The following ZNF384 variants were observed in gnomAD, a reference collection of about 807,000 sequenced individuals.
The protein encoded by ZNF384 is CAG repeat protein 1.
Under a neutral mutation model 65.0 loss-of-function variants are expected in ZNF384, and 20 were observed. That is an observed-to-expected ratio of 0.31 (90% CI 0.22 to 0.45). The LOEUF (loss-of-function observed/expected upper bound fraction) is 0.45, where lower values mean the gene tolerates loss of function less well. Ranked by LOEUF, ZNF384 falls within the 20% of genes least tolerant of loss-of-function variation. The pLI, the probability that ZNF384 is intolerant of heterozygous loss-of-function variation, is 1.00. For missense variants in ZNF384, 549 were observed against 769.4 expected (o/e 0.71, Z 3.39); for synonymous variants, 310 against 303.9 (o/e 1.02, Z -0.21).
At chr12:6,684,861 T>G (rs1360709874) in intron 2 of ZNF384, among the ~76,000 whole-genome samples, 1 of 152,150 alleles carries the variant, frequency 6.6e-6, no homozygotes, top group Non-Finnish European at 1.5e-5. Flanking sequence ...TAACAGGGCG[T>G]TCTGGGGCCA....
At position 6,678,467 on chromosome 12, in the gene ZNF384, T is replaced by C. The variant is rs1178382786; in HGVS notation, c.353-7A>G. On this transcript the variant is annotated splice_region_variant and splice_polypyrimidine_tract_variant and intron_variant, in intron 5 of 11. Coordinates refer to ENST00000683879, the MANE Select transcript of ZNF384 (RefSeq NM_001385745.1). This position sits in a 1 kb window ranked among gnomAD's most constrained non-coding sequence, Gnocchi z 4.9. The stretch of plus-strand genomic sequence containing the variant: ...GTGATTACCAAACCCGGACCTAGGA[T>C]TGGGAGAAAAAGGAGATGGCGTCAT... 38 of 1,573,334 alleles carry C rather than the reference T, an allele frequency of 2.4e-5. No individual in the cohort carries two copies. Among genetic ancestry groups the C allele is most frequent in the Non-Finnish European group, 3.3e-5 (38 of 1,158,280 alleles).
At position 6,666,811 on chromosome 12, in the gene ZNF384, A is replaced by G. The variant is rs569723863; in HGVS notation, c.*903T>C. On this transcript the variant is annotated 3_prime_UTR_variant, in exon 12 of 12. Coordinates refer to ENST00000683879, the MANE Select transcript of ZNF384 (RefSeq NM_001385745.1). ...TGGCCGTGATGAGTGAGTATAATAT[A>G]TTTATATATATATATTTATATATAA... The G allele has an allele frequency of 5.9e-6, 1 of 169,300 alleles. No individual in the cohort carries two copies. The highest frequency in any genetic ancestry group is 6.5e-5 in the Admixed American group (1 of 15,448). 10.5% of individuals were successfully genotyped at this position (169,300 alleles called of 1,614,324 possible).
chr12:6,667,162 A>C lies in ZNF384; in HGVS notation c.*552T>G. The C allele has an allele frequency of 3.8e-6, 1 of 261,654 alleles. No homozygotes were observed. Among genetic ancestry groups the C allele is most frequent in the South Asian group, 1.0e-4 (1 of 9,904 alleles). 16.2% of individuals were successfully genotyped at this position (261,654 alleles called of 1,614,324 possible). A position where few individuals can be genotyped will look rare whatever the true frequency, so the allele number is the denominator to read the frequency against. On this transcript the variant is annotated 3_prime_UTR_variant, in exon 12 of 12. Transcript: ENST00000683879. ...AAAAGGAGGTCTAGCCCCTACCCCA[A>C]ATCTCCTTCTACCAGCAGTCAATAG...
Position 6,686,271 on chromosome 12 carries a change from T to C in ZNF384, c.-6+1896A>G, listed in dbSNP as rs2137423775. Among the ~76,000 whole-genome samples, 4 of 152,340 alleles carry C rather than the reference T, an allele frequency of 2.6e-5. No individual in the cohort carries two copies. In the South Asian group the frequency reaches 8.3e-4, roughly 32 times the overall value. Reference sequence around the variant, plus strand: ...TCAAGACTTCTGAATTCTTTTTTTATGAGACAGAGTCTCATTTTGTTGCCC... The same window carrying C: ...TCAAGACTTCTGAATTCTTTTTTTACGAGACAGAGTCTCATTTTGTTGCCC... On this transcript the variant is annotated intron_variant, in intron 2 of 11. Transcript: ENST00000683879.
At position 6,666,478 on chromosome 12, in the gene ZNF384, C is replaced by A. The variant is rs1949799386; in HGVS notation, c.*1236G>T. On this transcript the variant is annotated 3_prime_UTR_variant, in exon 12 of 12. Coordinates refer to ENST00000683879, the MANE Select transcript of ZNF384 (RefSeq NM_001385745.1). ...CATCAGTAGCTCCACTGCCTCTGAT[C>A]CTTTTACATGAATTTATTTCTATAC... 1 of 158,580 alleles carries A rather than the reference C, an allele frequency of 6.3e-6. No individual in the cohort carries two copies. Among genetic ancestry groups the A allele is most frequent in the Admixed American group, 6.5e-5 (1 of 15,412 alleles). 9.8% of individuals were successfully genotyped at this position (158,580 alleles called of 1,614,324 possible).
chr12:6,687,008 G>C (rs912177906), intron 2 of ZNF384, among the ~76,000 whole-genome samples: 1 of 152,184 alleles, frequency 6.6e-6, no homozygotes, highest in African/African-American at 2.4e-5. Flanking sequence ...ACTGCAGAAA[G>C]GTTACCTTAG....
In ZNF384 at chr12:6,669,001, G is replaced by A. The variant is rs995482229; in HGVS notation, c.1425+30C>T. On this transcript the variant is annotated intron_variant, in intron 11 of 11. Transcript: ENST00000683879. ...GTGGACTGTACTCTTAGAGGACTAT[G>A]AGGAAGGAGAGAAGAAACGGAGCAC... 13 of 1,580,422 alleles carry A rather than the reference G, an allele frequency of 8.2e-6. No individual in the cohort carries two copies. In the African/African-American group the frequency reaches 9.4e-5, roughly 11 times the overall value.
Position 6,679,503 on chromosome 12 carries a change from G to A in ZNF384, c.18C>T (p.Phe6=). The change falls in exon 3 of 12, where the codon TTC becomes TTT. Residue 6 remains phenylalanine, a synonymous_variant. Transcript: ENST00000683879. ...AAGGCCAGAAGTACGGGTTAGAATT[G>A]AAGTGAGATTCTTCCATTCTACCTG... MEESH[F]NSNPYFWPSI... 6.2e-7 allele frequency: 1 copy of A among 1,613,916 alleles called. No homozygotes were observed. The highest frequency in any genetic ancestry group is 1.6e-4 in the Middle Eastern group (1 of 6,062).
chr12:6,679,588 A>T, intron 2 of ZNF384, 63 bp from the exon 3 acceptor site: 2 of 1,374,854 alleles, frequency 1.5e-6, no homozygotes, highest in Non-Finnish European at 1.0e-6. Context: ...TAAGCAATGG[A>T]GAAGGGGAAC....
Position 6,685,701 on chromosome 12 carries a change from G to A in ZNF384, c.-6+2466C>T, listed in dbSNP as rs190891624. Among the ~76,000 whole-genome samples, 140 of 151,330 alleles carry A rather than the reference G, an allele frequency of 9.3e-4. 1 individual carries two copies. The highest frequency in any genetic ancestry group is 1.7e-3 in the Non-Finnish European group (118 of 67,876). On this transcript the variant is annotated intron_variant, in intron 2 of 11. Transcript: ENST00000683879. ...GACAGGGAATTGCCTGAACCTGGGAGGTGGAGTGGAGGTTGCAGTGAAAGG... is the reference window on the plus strand; with the variant it reads ...GACAGGGAATTGCCTGAACCTGGGAAGTGGAGTGGAGGTTGCAGTGAAAGG...
intron 10 of ZNF384, among the ~76,000 whole-genome samples, chr12:6,669,415 CCAGTCCAGTGGTTCTTAAAA>C (rs1430480155): frequency 1.3e-5 from 2 of 152,142 alleles, no homozygotes; most frequent in Non-Finnish European, 2.9e-5. Context: ...GCCCGTCTCA[CCAGTCCAGTGGTTCTTAAAA>C]TGAGGCATGG....
At chr12:6,676,821 G>A (rs888193711) in intron 7 of ZNF384, among the ~76,000 whole-genome samples, 1 of 152,042 alleles carries the variant, frequency 6.6e-6, no homozygotes, top group Non-Finnish European at 1.5e-5. Flanking sequence ...CATTTTCCAG[G>A]AACACTTTTA....
intron 2 of ZNF384, among the ~76,000 whole-genome samples, chr12:6,680,790 A>T (rs1441130078): frequency 6.6e-6 from 1 of 152,204 alleles, no homozygotes; most frequent in Non-Finnish European, 1.5e-5. Context: ...AGCAGTGAGA[A>T]TCAAAGCACT....
intron 10 of ZNF384, among the ~76,000 whole-genome samples, chr12:6,670,255 C>T (rs1053639654): frequency 1.3e-5 from 2 of 151,946 alleles, no homozygotes; most frequent in Non-Finnish European, 2.9e-5. Context: ...ATAGCAAGAC[C>T]CCATCTCTAC....
In ZNF384 at chr12:6,667,992, C is replaced by A; in HGVS notation, c.1549G>T (p.Ala517Ser). The change falls in exon 12 of 12, where the codon GCT becomes TCT. Residue 517 changes from alanine (A) to serine (S), a missense_variant. Coordinates refer to ENST00000683879, the MANE Select transcript of ZNF384 (RefSeq NM_001385745.1). Reference sequence around the variant, plus strand: ...GCCTGGGCCTGGGCTTGAGCCTGAGCCTGAGCCTGGGCTTGAGCTTGAGCC... The same window carrying A: ...GCCTGGGCCTGGGCTTGAGCCTGAGACTGAGCCTGGGCTTGAGCTTGAGCC... ...AQAQAQAQAQ[A>S]QAQAQAQAQA... 6.2e-7 allele frequency: 1 copy of A among 1,612,878 alleles called. No individual in the cohort carries two copies. Among genetic ancestry groups the A allele is most frequent in the Non-Finnish European group, 8.5e-7 (1 of 1,179,384 alleles).
At chr12:6,681,612 G>C (rs541988762) in intron 2 of ZNF384, among the ~76,000 whole-genome samples, 17 of 152,304 alleles carry the variant, frequency 1.1e-4, no homozygotes, top group Non-Finnish European at 1.9e-4. Flanking sequence ...GAGAGCTAAA[G>C]GGTAGGCTGG....
At chr12:6,679,933 T>A (rs1300149654) in intron 2 of ZNF384, among the ~76,000 whole-genome samples, 4 of 152,196 alleles carry the variant, frequency 2.6e-5, no homozygotes, top group Non-Finnish European at 5.9e-5. Flanking sequence ...CTAGCATGAC[T>A]CCTCTTTCTC....
intron 2 of ZNF384, among the ~76,000 whole-genome samples, chr12:6,679,848 G>A (rs180690365): frequency 2.0e-5 from 3 of 152,334 alleles, no homozygotes; most frequent in Non-Finnish European, 4.4e-5. Flanking sequence ...CTGAGCTCAC[G>A]AGAGGGGAGA....
chr12:6,676,576 C>A (rs1953668013), intron 7 of ZNF384, among the ~76,000 whole-genome samples: 3 of 152,150 alleles, frequency 2.0e-5, no homozygotes, highest in African/African-American at 7.2e-5. Context: ...AATGAGAGGA[C>A]CCTGATCCAT....
Sources: allele counts gnomAD v4.1 joint callset (sites outside exome capture counted in the v4.1 genomes callset), GRCh38; gene constraint gnomAD v4.1.1; non-coding constraint Gnocchi (gnomAD v3.1); transcripts MANE v1.5; gene names NCBI Gene and HGNC (gene_info 2026-07-23, HGNC 2026-07-21).